Variants in ACOXL observed in about 807,000 individuals in gnomAD.
ACOXL encodes acyl-CoA oxidase like.
A neutral mutation model predicts 71.9 loss-of-function variants in ACOXL; 70 were observed. That is an observed-to-expected ratio of 0.97 (90% CI 0.80 to 1.19). The LOEUF (loss-of-function observed/expected upper bound fraction) is 1.19, where lower values mean the gene tolerates loss of function less well. ACOXL is among the 50% of genes most tolerant of loss of function. ACOXL has a pLI of 0.00. For missense variants in ACOXL, 703 were observed against 736.3 expected, an observed-to-expected ratio of 0.95 and a Z score of 0.52; for synonymous variants, 253 against 281.6, an observed-to-expected ratio of 0.90 and a Z score of 1.02.
intron 12 of ACOXL, among the ~76,000 whole-genome samples, chr2:110,952,251 A>G (rs149536245): frequency 0.012 from 1,831 of 152,172 alleles, 16 homozygotes; most frequent in Non-Finnish European, 0.016. Context: ...TAGTTTTAAA[A>G]TTTATCAACC....
rs770114385 is a variant in ACOXL at position 110,859,562 on chromosome 2, A to C, written c.788+18157A>C. Among the ~76,000 whole-genome samples the C allele has an allele frequency of 5.3e-4, 80 of 152,328 alleles. 1 individual carries two copies. The highest frequency in any genetic ancestry group is 1.1e-3 in the Non-Finnish European group (72 of 68,024). On this transcript the variant is annotated intron_variant, in intron 10 of 17. Coordinates refer to ENST00000439055, the MANE Select transcript of ACOXL (RefSeq NM_001142807.4). ...AAGGAGGAAAACCAACTGGGTGCCT[A>C]GGGAGAAGGGCGGAGGAAATGCAGC...
chr2:111,071,649 A>G (rs1451739083), intron 16 of ACOXL, among the ~76,000 whole-genome samples: 1 of 152,212 alleles, frequency 6.6e-6, no homozygotes, highest in African/African-American at 2.4e-5. Flanking sequence ...TGGTATTACC[A>G]TGCATTAATA....
intron 14 of ACOXL, among the ~76,000 whole-genome samples, chr2:111,029,784 A>G (rs1243825553): frequency 1.3e-5 from 2 of 152,180 alleles, no homozygotes; most frequent in Non-Finnish European, 2.9e-5. Context: ...AGATATTGAC[A>G]TATAAGGAAG....
chr2:110,930,028 G>A (rs1250761465), intron 11 of ACOXL, among the ~76,000 whole-genome samples: 1 of 152,250 alleles, frequency 6.6e-6, no homozygotes, highest in Admixed American at 6.5e-5. Flanking sequence ...CCTACACAGA[G>A]TCCCCATCGG....
At chr2:110,834,132 C>A (rs992903867) in intron 9 of ACOXL, among the ~76,000 whole-genome samples, 2 of 152,154 alleles carry the variant, frequency 1.3e-5, no homozygotes, top group African/African-American at 4.8e-5. Flanking sequence ...GGTTCCTTTT[C>A]TTCTCTTTGT....
At chr2:111,098,788 A>T (rs1225558142) in intron 17 of ACOXL, 1 of 152,242 alleles carries the variant, frequency 6.6e-6, no homozygotes, top group African/African-American at 2.4e-5. Flanking sequence ...AAAAGTTAGC[A>T]TAGGGAGATA....
At chr2:110,894,105 C>T (rs952033433) in intron 10 of ACOXL, among the ~76,000 whole-genome samples, 1 of 152,004 alleles carries the variant, frequency 6.6e-6, no homozygotes, top group African/African-American at 2.4e-5. Context: ...TATTTGAAAC[C>T]TGCAATAGAA....
intron 16 of ACOXL, among the ~76,000 whole-genome samples, chr2:111,072,588 T>C (rs1223056897): frequency 6.6e-6 from 1 of 152,262 alleles, no homozygotes; most frequent in Non-Finnish European, 1.5e-5. Flanking sequence ...AATCTTCATT[T>C]CTCAAGGACC....
rs540818853 is a variant in ACOXL, at chr2:110,827,303, C to T, written c.754-14068C>T. ...AGCCAGGGTGGGGCATGGGCTCTCC[C>T]GGGTCATGATGACGTCTAGGGGTGG... is the stretch of plus-strand genomic sequence containing the variant. On this transcript the variant is annotated intron_variant, in intron 9 of 17. Transcript: ENST00000439055. Among the ~76,000 whole-genome samples, 32 of 152,132 alleles carry T rather than the reference C, an allele frequency of 2.1e-4. No individual in the cohort carries two copies. The South Asian group carries it at 4.1e-3, about 20-fold the overall frequency.
intron 10 of ACOXL, among the ~76,000 whole-genome samples, chr2:110,873,405 T>C (rs1172544076): frequency 6.6e-6 from 1 of 151,992 alleles, no homozygotes; most frequent in Non-Finnish European, 1.5e-5. Flanking sequence ...TGTCAGGCGG[T>C]TGGGGGATGG....
At position 110,887,345 on chromosome 2, in the gene ACOXL, A is replaced by G. The variant is rs146208657; in HGVS notation, c.789-21444A>G. 109 of 153,358 alleles carry G rather than the reference A, an allele frequency of 7.1e-4. 1 individual carries two copies. Among genetic ancestry groups the G allele is most frequent in the African/African-American group, 2.2e-3 (92 of 41,572 alleles). The allele number at this position is 153,358 out of a possible 1,614,324, so 9.5% of individuals were successfully genotyped here. A position where few individuals can be genotyped will look rare whatever the true frequency, so the allele number is the denominator to read the frequency against. Reference sequence around the variant, plus strand: ...AACAGAGAATAAAAATTCCAGCTCTAGGGCCCAGCCTAGTGGCCACCTCTC... The same window carrying G: ...AACAGAGAATAAAAATTCCAGCTCTGGGGCCCAGCCTAGTGGCCACCTCTC... On this transcript the variant is annotated intron_variant, in intron 10 of 17. Coordinates refer to ENST00000439055, the MANE Select transcript of ACOXL (RefSeq NM_001142807.4).
intron 10 of ACOXL, among the ~76,000 whole-genome samples, chr2:110,855,250 C>G (rs1401451930): frequency 1.3e-5 from 2 of 152,194 alleles, no homozygotes; most frequent in African/African-American, 4.8e-5. Flanking sequence ...GAGGAGACAT[C>G]AGTGTGCAAT....
At chr2:110,853,525 A>G (rs1228453611) in intron 10 of ACOXL, among the ~76,000 whole-genome samples, 1 of 152,206 alleles carries the variant, frequency 6.6e-6, no homozygotes, top group Non-Finnish European at 1.5e-5. Context: ...ATATTCCGTG[A>G]TAATTTTTGT....
chr2:111,044,673 G>A (rs931812191), intron 15 of ACOXL, among the ~76,000 whole-genome samples: 7 of 152,148 alleles, frequency 4.6e-5, no homozygotes, highest in Non-Finnish European at 8.8e-5. Context: ...GCTTTGTTTT[G>A]TCTTCCCCCT....
At chr2:110,995,745 T>G (rs2063366958) in intron 13 of ACOXL, 148 bp from the exon 14 acceptor site, 2 of 592,176 alleles carry the variant, frequency 3.4e-6, no homozygotes, top group Non-Finnish European at 6.1e-6. Context: ...ATACAGTCAG[T>G]GAGAGATGGG....
intron 16 of ACOXL, among the ~76,000 whole-genome samples, chr2:111,078,401 T>A (rs1468540927): frequency 6.6e-6 from 1 of 152,062 alleles, no homozygotes; most frequent in Non-Finnish European, 1.5e-5. Context: ...GTAGCTGGGA[T>A]TGCAGGCACC....
chr2:110,990,564 A>G (rs1185478426), intron 13 of ACOXL, among the ~76,000 whole-genome samples: 12 of 152,156 alleles, frequency 7.9e-5, no homozygotes, highest in Admixed American at 7.2e-4. Flanking sequence ...CCATCTTACA[A>G]GGTGTTCTTT....
At chr2:110,832,069 C>T (rs1244332395) in intron 9 of ACOXL, among the ~76,000 whole-genome samples, 1 of 152,160 alleles carries the variant, frequency 6.6e-6, no homozygotes, top group Non-Finnish European at 1.5e-5. Context: ...AGAATGGACA[C>T]ACCTGTGGTC....
At chr2:111,049,362 T>C (rs1213345327) in intron 16 of ACOXL, 74 bp downstream of exon 16, 4 of 1,187,424 alleles carry the variant, frequency 3.4e-6, no homozygotes. Context: ...AGTTTCATTT[T>C]TACAAGCGGG....
Sources: allele counts gnomAD v4.1 joint callset (sites outside exome capture counted in the v4.1 genomes callset), GRCh38; gene constraint gnomAD v4.1.1; transcripts MANE v1.5; gene names NCBI Gene and HGNC (gene_info 2026-07-23, HGNC 2026-07-21).